Variants in OSBPL3 observed in about 807,000 individuals in gnomAD.
OSBPL3 encodes oxysterol-binding protein-related protein 3.
Under a neutral mutation model 120.1 loss-of-function variants are expected in OSBPL3, and 65 were observed. The observed-to-expected ratio is 0.54, with a 90% CI of 0.44 to 0.67. OSBPL3 has a LOEUF of 0.67. Ranked by LOEUF, OSBPL3 falls within the 30% of genes least tolerant of loss-of-function variation. The pLI is 0.00. For synonymous variants in OSBPL3, 416 were observed against 402.6 expected, an observed-to-expected ratio of 1.03 and a Z score of -0.40; for missense variants, 1,004 against 1,082.1, an observed-to-expected ratio of 0.93 and a Z score of 1.01.
At chr7:24,897,101 G>A (rs1441269811) in intron 1 of OSBPL3, among the ~76,000 whole-genome samples, 1 of 151,706 alleles carries the variant, frequency 6.6e-6, no homozygotes, top group African/African-American at 2.4e-5. Context: ...AGGGAGGAAG[G>A]AAGGCAGGCA....
rs116570811 is a variant in OSBPL3 at position 24,904,619 on chromosome 7, G to A, written c.-149-11998C>T. Among the ~76,000 whole-genome samples the A allele has an allele frequency of 9.6e-3, 1,462 of 152,162 alleles. 30 individuals are homozygous for A. The highest frequency in any genetic ancestry group is 0.028 in the African/African-American group (1,150 of 41,500). ...AAATTTGGTATTTGTGGCGATCACC[G>A]AACCAGTACCCCATACAGCTGTACA... On this transcript the variant is annotated intron_variant, in intron 1 of 22. Transcript: ENST00000313367.
In OSBPL3 at chr7:24,918,936, G is replaced by T. The variant is rs183985962; in HGVS notation, c.-149-26315C>A. On this transcript the variant is annotated intron_variant, in intron 1 of 22. Transcript: ENST00000313367. This position sits in a 1 kb window ranked among gnomAD's most constrained non-coding sequence, Gnocchi z 4.3. ...CTAACATTTCCCAGGTACAATGCTA[G>T]ATGCTCTTACATACGTCACATTATT... Among the ~76,000 whole-genome samples the T allele has an allele frequency of 6.6e-6, 1 of 152,312 alleles. No homozygotes were observed. The highest frequency in any genetic ancestry group is 1.9e-4 in the East Asian group (1 of 5,188).
At chr7:24,880,641 G>A (rs927404957) in intron 2 of OSBPL3, among the ~76,000 whole-genome samples, 1 of 152,180 alleles carries the variant, frequency 6.6e-6, no homozygotes, top group Admixed American at 6.5e-5. Context: ...GACACAGAAT[G>A]AAGAAGTCAT....
chr7:24,830,375 A>G lies in OSBPL3; in HGVS notation c.1884+393T>C, dbSNP rs1796219828. On this transcript the variant is annotated intron_variant, in intron 16 of 22. Transcript: ENST00000313367. This position sits in a 1 kb window ranked among gnomAD's most constrained non-coding sequence, Gnocchi z 4.4. ...CTCAAATCAAAATTGAGAATAACGC[A>G]TTTATCTGGCGCTACCCACTCTGCT... Among the ~76,000 whole-genome samples, 1 of 152,192 alleles carries G rather than the reference A, an allele frequency of 6.6e-6. No homozygotes were observed. The highest frequency in any genetic ancestry group is 2.4e-5 in the African/African-American group (1 of 41,432).
chr7:24,894,062 T>C lies in OSBPL3; in HGVS notation c.-149-1441A>G, dbSNP rs550601578. Among the ~76,000 whole-genome samples the C allele has an allele frequency of 4.6e-5, 7 of 152,306 alleles. No individual in the cohort carries two copies. The East Asian group carries it at 1.3e-3, about 29-fold the overall frequency. Reference sequence around the variant, plus strand: ...TAATTATAAAAAGAAGAGTATCATATATTTGTCTAGGAACCAGCTAGTTAA... The same window carrying C: ...TAATTATAAAAAGAAGAGTATCATACATTTGTCTAGGAACCAGCTAGTTAA... On this transcript the variant is annotated intron_variant, in intron 1 of 22. Coordinates refer to ENST00000313367, the MANE Select transcript of OSBPL3 (RefSeq NM_015550.4). The surrounding 1 kb of genome is among the most constrained non-coding windows in gnomAD (Gnocchi z 4.1).
At position 24,809,931 on chromosome 7, in the gene OSBPL3, A is replaced by G; in HGVS notation, c.2193T>C (p.Asn731=). Residue 731 remains asparagine, a synonymous_variant, in exon 20 of 23, where the codon AAT becomes AAC. Transcript: ENST00000313367. The part of the protein sequence containing the change: ...NFIKAKYWST[N]AHEIEGTVFD... ...ACACTGTGCCTTCAATCTCATGGGC[A>G]TTAGTGCTCCAGTATTTTGCCTAGG... The G allele has an allele frequency of 6.2e-7, 1 of 1,614,176 alleles. No homozygotes were observed. Among genetic ancestry groups the G allele is most frequent in the South Asian group, 1.1e-5 (1 of 91,084 alleles).
chr7:24,818,307 G>T lies in OSBPL3; in HGVS notation c.1949-1619C>A, dbSNP rs1312931110. On this transcript the variant is annotated intron_variant, in intron 17 of 22. Transcript: ENST00000313367. This position sits in a 1 kb window ranked among gnomAD's most constrained non-coding sequence, Gnocchi z 4.0. ...AATTGTACACTTTACACGGGTGAATGATATGGTATATAAGTTATATGTTCA... is the reference window on the plus strand; with the variant it reads ...AATTGTACACTTTACACGGGTGAATTATATGGTATATAAGTTATATGTTCA... Among the ~76,000 whole-genome samples, 1 of 152,096 alleles carries T rather than the reference G, an allele frequency of 6.6e-6. No individual in the cohort carries two copies. Among genetic ancestry groups the T allele is most frequent in the Non-Finnish European group, 1.5e-5 (1 of 68,032 alleles).
rs1052810753 is a variant in OSBPL3 at position 24,912,310 on chromosome 7, T to C, written c.-149-19689A>G. 6.6e-6 allele frequency among the ~76,000 whole-genome samples: 1 copy of C among 152,174 alleles called. No homozygotes were observed. The highest frequency in any genetic ancestry group is 2.4e-5 in the African/African-American group (1 of 41,426). ...ACAAATCAGAAAATGTAAGTCAAAA[T>C]GTGGGATGTAAGTAATGTGTTAAAA... On this transcript the variant is annotated intron_variant, in intron 1 of 22. Coordinates refer to ENST00000313367, the MANE Select transcript of OSBPL3 (RefSeq NM_015550.4). This position sits in a 1 kb window ranked among gnomAD's most constrained non-coding sequence, Gnocchi z 4.5.
intron 1 of OSBPL3, among the ~76,000 whole-genome samples, chr7:24,919,767 T>C (rs127): frequency 0.6 from 90,252 of 149,882 alleles, 27,835 homozygotes; most frequent in East Asian, 0.76. Context: ...TCATCTGATA[T>C]GGGTCTAGTA....
rs1005388565 is a variant in OSBPL3, at chr7:24,966,344, A to G, written c.-150+13542T>C. Among the ~76,000 whole-genome samples, 1 of 151,976 alleles carries G rather than the reference A, an allele frequency of 6.6e-6. No homozygotes were observed. The highest frequency in any genetic ancestry group is 2.1e-4 in the South Asian group (1 of 4,820). The stretch of plus-strand genomic sequence containing the variant: ...GGGTCAGAAAAGGCAGTCATCTAAT[A>G]TAAAGATCTATCTACACCTAGCTAC... On this transcript the variant is annotated intron_variant, in intron 1 of 22. Transcript: ENST00000313367. This position sits in a 1 kb window ranked among gnomAD's most constrained non-coding sequence, Gnocchi z 4.8.
chr7:24,901,704 C>A (rs902114445), intron 1 of OSBPL3, among the ~76,000 whole-genome samples: 2 of 152,172 alleles, frequency 1.3e-5, no homozygotes, highest in African/African-American at 4.8e-5. Flanking sequence ...TATTCCTAAA[C>A]CTCCACAGGT....
chr7:24,891,062 T>C lies in OSBPL3; in HGVS notation c.96+1315A>G, dbSNP rs1805274999. 6.6e-6 allele frequency among the ~76,000 whole-genome samples: 1 copy of C among 152,130 alleles called. No individual in the cohort carries two copies. Among genetic ancestry groups the C allele is most frequent in the African/African-American group, 2.4e-5 (1 of 41,424 alleles). ...TGGCGCAGGTAGGGGATATACCACA[T>C]ACTGTTTTAATCCCAACCAGAGTTT... On this transcript the variant is annotated intron_variant, in intron 2 of 22. Coordinates refer to ENST00000313367, the MANE Select transcript of OSBPL3 (RefSeq NM_015550.4). This position sits in a 1 kb window ranked among gnomAD's most constrained non-coding sequence, Gnocchi z 4.1.
rs139950443 is a variant in OSBPL3 at position 24,806,785 on chromosome 7, G to T, written c.2435C>A (p.Pro812Gln). The T allele has an allele frequency of 1.1e-5, 17 of 1,613,816 alleles. No homozygotes were observed. The highest frequency in any genetic ancestry group is 1.3e-5 in the Non-Finnish European group (15 of 1,179,830). ...LLPPTDTRFR[P>Q]DQRFLEEGNL... The stretch of plus-strand genomic sequence containing the variant: ...TTTAAAAAATCCTTACCTCTGGTCT[G>T]GCCTAAATCGAGTGTCAGTAGGTGG... The change falls in exon 21 of 23, where the codon CCA becomes CAA. Residue 812 changes from proline to glutamine, a missense_variant. Physicochemically the swap from Pro to Gln is moderately conservative, Grantham distance 76. This residue lies in a region of OSBPL3 where 473 missense variants were observed against 568.0 expected (regional missense o/e 0.83). Coordinates refer to ENST00000313367, the MANE Select transcript of OSBPL3 (RefSeq NM_015550.4). The surrounding 1 kb of genome is among the most constrained non-coding windows in gnomAD (Gnocchi z 5.2).
rs1402941040 is a variant in OSBPL3 at position 24,827,444 on chromosome 7, C to A, written c.1884+3324G>T. 6.6e-6 allele frequency among the ~76,000 whole-genome samples: 1 copy of A among 152,232 alleles called. No homozygotes were observed. The highest frequency in any genetic ancestry group is 2.4e-5 in the African/African-American group (1 of 41,470). ...GGGAGGCCCTGGCCCTACACCCTTC[C>A]CACTTCTAGGGCAGAGGACTGCCTG... On this transcript the variant is annotated intron_variant, in intron 16 of 22. Transcript: ENST00000313367. The surrounding 1 kb of genome is among the most constrained non-coding windows in gnomAD (Gnocchi z 5.1).
chr7:24,837,654 C>T (rs1484392114), intron 14 of OSBPL3, among the ~76,000 whole-genome samples: 1 of 152,232 alleles, frequency 6.6e-6, no homozygotes, highest in Non-Finnish European at 1.5e-5. Context: ...TATTCTGTGA[C>T]AGGCAGTCTT....
intron 1 of OSBPL3, among the ~76,000 whole-genome samples, chr7:24,973,030 G>C (rs559657486): frequency 2.0e-5 from 3 of 152,130 alleles, no homozygotes; most frequent in African/African-American, 7.2e-5. Flanking sequence ...TAACTGTAGA[G>C]GGTAAACAAA....
At position 24,972,984 on chromosome 7, in the gene OSBPL3, A is replaced by C. The variant is rs1375299394; in HGVS notation, c.-150+6902T>G. ...AATGTTACATTGAGGAAAGTATCTG[A>C]CCCACACAATACTAAAAATAAAGAT... On this transcript the variant is annotated intron_variant, in intron 1 of 22. Transcript: ENST00000313367. The surrounding 1 kb of genome is among the most constrained non-coding windows in gnomAD (Gnocchi z 4.3). 6.6e-6 allele frequency among the ~76,000 whole-genome samples: 1 copy of C among 152,184 alleles called. No individual in the cohort carries two copies. Among genetic ancestry groups the C allele is most frequent in the Non-Finnish European group, 1.5e-5 (1 of 68,026 alleles).
chr7:24,921,832 T>C (rs986227430), intron 1 of OSBPL3, among the ~76,000 whole-genome samples: 5 of 152,204 alleles, frequency 3.3e-5, no homozygotes, highest in African/African-American at 4.8e-5. Flanking sequence ...GTTCACATTA[T>C]GGGATTTTAA....
In OSBPL3 at chr7:24,959,601, G is replaced by C. The variant is rs1815485198; in HGVS notation, c.-150+20285C>G. ...TCACCTGTTTCTTGTTCTGGACGCTGGTTACACAGGTTATTTATCTTCTGA... is the reference window on the plus strand; with the variant it reads ...TCACCTGTTTCTTGTTCTGGACGCTCGTTACACAGGTTATTTATCTTCTGA... On this transcript the variant is annotated intron_variant, in intron 1 of 22. Transcript: ENST00000313367. This position sits in a 1 kb window ranked among gnomAD's most constrained non-coding sequence, Gnocchi z 4.3. 6.6e-6 allele frequency among the ~76,000 whole-genome samples: 1 copy of C among 152,090 alleles called. No individual in the cohort carries two copies. The highest frequency in any genetic ancestry group is 1.5e-5 in the Non-Finnish European group (1 of 68,000).
Sources: allele counts gnomAD v4.1 joint callset (sites outside exome capture counted in the v4.1 genomes callset), GRCh38; gene constraint gnomAD v4.1.1; regional missense constraint gnomAD v4.1.1; non-coding constraint Gnocchi (gnomAD v3.1); transcripts MANE v1.5; gene names NCBI Gene and HGNC (gene_info 2026-07-23, HGNC 2026-07-21).